HCN4: variants seen among roughly 807,000 people sequenced by gnomAD.
The protein encoded by HCN4 is hyperpolarization activated cyclic nucleotide gated potassium channel 4.
HCN4 carries 29 observed loss-of-function variants against 76.9 expected under a neutral mutation model. The ratio of observed to expected loss-of-function variants is 0.38; its 90% CI spans 0.28 to 0.51. The LOEUF is 0.51. HCN4 is among the 20% of genes least tolerant of loss of function. HCN4 has a pLI of 0.90. For missense variants in HCN4, 1,416 were observed against 1,715.2 expected, an observed-to-expected ratio of 0.83 and a Z score of 3.08; for synonymous variants, 772 against 762.5, an observed-to-expected ratio of 1.01 and a Z score of -0.21.
chr15:73,353,649 A>C (rs1395737393), intron 1 of HCN4, among the ~76,000 whole-genome samples: 1 of 152,072 alleles, frequency 6.6e-6, no homozygotes, highest in Admixed American at 6.6e-5. Context: ...AGGCAGAGCC[A>C]CTGTCACCAC....
chr15:73,334,973 C>T (rs1567779207), intron 2 of HCN4, among the ~76,000 whole-genome samples: 2 of 151,878 alleles, frequency 1.3e-5, no homozygotes, highest in Admixed American at 6.6e-5. Flanking sequence ...GATGAGTGCC[C>T]TTATAAAAAG....
intron 3 of HCN4, among the ~76,000 whole-genome samples, chr15:73,331,496 TG>T (rs1567776423): frequency 6.6e-6 from 1 of 152,186 alleles, no homozygotes; most frequent in Non-Finnish European, 1.5e-5. Flanking sequence ...TTATTCCTTT[TG>T]AGACAGGATC....
In HCN4 at chr15:73,322,463, GGGAA is replaced by G; in HGVS notation, c.*14_*17del. The G allele has an allele frequency of 6.4e-7, 1 of 1,559,756 alleles. No homozygotes were observed. The highest frequency in any genetic ancestry group is 8.7e-7 in the Non-Finnish European group (1 of 1,147,580). On this transcript the variant is annotated 3_prime_UTR_variant, in exon 8 of 8. Transcript: ENST00000261917. Reference sequence around the variant, plus strand: ...AAGGGAGAGAAAAGAAGAAAGAAGAGGGAAGGAAGGGCCCAGCTCATAGATTGGA... The same window carrying G: ...AAGGGAGAGAAAAGAAGAAAGAAGAGGGAAGGGCCCAGCTCATAGATTGGA...
In HCN4 at chr15:73,323,487, G is replaced by A. The variant is rs540848262; in HGVS notation, c.2606C>T (p.Ala869Val). The A allele has an allele frequency of 3.1e-6, 5 of 1,604,298 alleles. No homozygotes were observed. The African/African-American group carries it at 5.3e-5, about 17-fold the overall frequency. ...IQQLAGFSAP[A>V]GLSPLLPSSS... ...TGAGGGCAGGAGTGGGCTCAGTCCA[G>A]CGGGGGCAGAGAATCCAGCCAGCTG... is the stretch of plus-strand genomic sequence containing the variant. Residue 869 changes from alanine to valine, a missense_variant, in exon 8 of 8, where the codon GCT (alanine) becomes GTT (valine). This residue lies in a region of HCN4 where 633 missense variants were observed against 579.8 expected (regional missense o/e 1.09). Transcript: ENST00000261917.
chr15:73,334,329 T>C (rs1241320922), intron 2 of HCN4, among the ~76,000 whole-genome samples: 2 of 152,122 alleles, frequency 1.3e-5, no homozygotes, highest in Non-Finnish European at 2.9e-5. Context: ...GATCTGATTA[T>C]GAATTTGGGG....
chr15:73,331,331 G>A (rs1042191514), intron 3 of HCN4, among the ~76,000 whole-genome samples: 4 of 152,210 alleles, frequency 2.6e-5, no homozygotes, highest in African/African-American at 7.2e-5. Flanking sequence ...ACTCCACCTC[G>A]GATCAGGATA....
At chr15:73,349,041 C>T (rs548184882) in intron 1 of HCN4, among the ~76,000 whole-genome samples, 1 of 152,242 alleles carries the variant, frequency 6.6e-6, no homozygotes, top group East Asian at 1.9e-4. Flanking sequence ...TCCCACCCAC[C>T]CCTACAGCAA....
intron 6 of HCN4, among the ~76,000 whole-genome samples, chr15:73,324,620 C>T (rs1422625266): frequency 6.6e-6 from 1 of 152,174 alleles, no homozygotes; most frequent in Non-Finnish European, 1.5e-5. Flanking sequence ...GGAGCTGGCT[C>T]ATCCTCCTTC....
In HCN4 at chr15:73,368,035, C is replaced by T; in HGVS notation, c.236G>A (p.Gly79Glu). 3 of 1,450,958 alleles carry T rather than the reference C, an allele frequency of 2.1e-6. No homozygotes were observed. Among genetic ancestry groups the T allele is most frequent in the African/African-American group, 3.0e-5 (2 of 67,308 alleles). The allele number at this position is 1,450,958 out of a possible 1,614,324, so 89.9% of individuals were successfully genotyped here. A position where few individuals can be genotyped will look rare whatever the true frequency, so the allele number is the denominator to read the frequency against. Residue 79 changes from glycine to glutamate, a missense_variant, in exon 1 of 8, where the codon GGG (glycine) becomes GAG (glutamate). Transcript: ENST00000261917. The surrounding 1 kb of genome is among the most constrained non-coding windows in gnomAD (Gnocchi z 6.9). The stretch of plus-strand genomic sequence containing the variant: ...GGACTTGCCCGCGCCGCGGGCCGGC[C>T]CTTCGCTGTCCGCTGCCCCGAGGGC... The part of the protein sequence containing the change: ...SSALGAADSE[G>E]PARGAGKSST...
intron 3 of HCN4, 128 bp downstream of exon 3, chr15:73,332,003 C>T: frequency 1.1e-6 from 1 of 877,290 alleles, no homozygotes; most frequent in Non-Finnish European, 1.9e-6. Context: ...CTATGTGCCC[C>T]CTCAGCCCCA....
At position 73,367,761 on chromosome 15, in the gene HCN4, C is replaced by G; in HGVS notation, c.510G>C (p.Gln170His). Residue 170 changes from glutamine (Q) to histidine (H), a missense_variant, in exon 1 of 8, where the codon CAG becomes CAC. Coordinates refer to ENST00000261917, the MANE Select transcript of HCN4 (RefSeq NM_005477.3). The surrounding 1 kb of genome is among the most constrained non-coding windows in gnomAD (Gnocchi z 7.5). ...AGGAGGCGGAGGCCGGCTGCGGTGG[C>G]TGCTGGGGCGGCGGCGGCGAGGCTG... Reference protein sequence around the residue: ...QPAASPPPPQQPPQPASASCE... With the variant: ...QPAASPPPPQHPPQPASASCE... 1 of 1,530,274 alleles carries G rather than the reference C, an allele frequency of 6.5e-7. No homozygotes were observed. 94.8% of individuals were successfully genotyped at this position (1,530,274 alleles called of 1,614,324 possible).
intron 1 of HCN4, among the ~76,000 whole-genome samples, chr15:73,350,047 C>T (rs766050887): frequency 1.3e-5 from 2 of 152,312 alleles, no homozygotes; most frequent in East Asian, 1.9e-4. Flanking sequence ...TCACCACCTC[C>T]GGTGCTGCAT....
At chr15:73,339,338 C>T (rs573684601) in intron 2 of HCN4, among the ~76,000 whole-genome samples, 16 of 152,260 alleles carry the variant, frequency 1.1e-4, no homozygotes, top group African/African-American at 2.9e-4. Flanking sequence ...TGACTGCCAC[C>T]AACACTTAGG....
chr15:73,363,764 C>T (rs896588031), intron 1 of HCN4, among the ~76,000 whole-genome samples: 2 of 152,176 alleles, frequency 1.3e-5, no homozygotes, highest in Non-Finnish European at 2.9e-5. Flanking sequence ...AACAGCATCA[C>T]GGCTCCTCTG....
intron 4 of HCN4, among the ~76,000 whole-genome samples, chr15:73,326,493 A>G (rs369235326): frequency 1.1e-4 from 17 of 152,222 alleles, no homozygotes; most frequent in African/African-American, 4.1e-4. Flanking sequence ...GAAAACCTGG[A>G]GCTGTGTTTT....
intron 2 of HCN4, among the ~76,000 whole-genome samples, chr15:73,340,350 T>C (rs944948630): frequency 2.6e-5 from 4 of 152,148 alleles, no homozygotes; most frequent in Admixed American, 2.6e-4. Context: ...GAGACACGAA[T>C]GGATGCTGGA....
intron 1 of HCN4, among the ~76,000 whole-genome samples, chr15:73,353,419 A>G (rs1279500383): frequency 6.6e-6 from 1 of 152,228 alleles, no homozygotes; most frequent in African/African-American, 2.4e-5. Flanking sequence ...TTGGAGATCA[A>G]TGATGAAGGT....
At chr15:73,329,488 G>C in intron 4 of HCN4, 85 bp downstream of exon 4, 1 of 1,288,016 alleles carries the variant, frequency 7.8e-7, no homozygotes, top group Non-Finnish European at 1.1e-6. Flanking sequence ...AGCAGGGGGC[G>C]GTTCCTGCTG....
intron 1 of HCN4, among the ~76,000 whole-genome samples, chr15:73,348,743 T>G (rs542141216): frequency 6.6e-6 from 1 of 152,334 alleles, no homozygotes; most frequent in African/African-American, 2.4e-5. Flanking sequence ...GTGCTGACTG[T>G]AGCCCGTGGG....
Sources: allele counts gnomAD v4.1 joint callset (sites outside exome capture counted in the v4.1 genomes callset), GRCh38; gene constraint gnomAD v4.1.1; regional missense constraint gnomAD v4.1.1; non-coding constraint Gnocchi (gnomAD v3.1); transcripts MANE v1.5; gene names NCBI Gene and HGNC (gene_info 2026-07-23, HGNC 2026-07-21).